LRRFIP2: variants seen among roughly 807,000 people sequenced by gnomAD.
The protein encoded by LRRFIP2 is leucine-rich repeat flightless-interacting protein 2.
LRRFIP2 carries 109 observed loss-of-function variants against 125.9 expected under a neutral mutation model. The ratio of observed to expected loss-of-function variants is 0.87; its 90% CI spans 0.74 to 1.01. The LOEUF (loss-of-function observed/expected upper bound fraction) is 1.01. Among genes scored for constraint, LRRFIP2 ranks in the 50% least tolerant of loss-of-function variants. The pLI is 0.00. For synonymous variants in LRRFIP2, 291 were observed against 293.1 expected, an observed-to-expected ratio of 0.99 and a Z score of 0.07; for missense variants, 850 against 862.3, an observed-to-expected ratio of 0.99 and a Z score of 0.18.
intron 2 of LRRFIP2, among the ~76,000 whole-genome samples, chr3:37,140,606 T>C (rs1374411109): frequency 6.8e-6 from 1 of 147,342 alleles, no homozygotes; most frequent in Non-Finnish European, 1.5e-5. Flanking sequence ...TAGCGCAAGA[T>C]CATGCCACAG....
intron 2 of LRRFIP2, among the ~76,000 whole-genome samples, chr3:37,146,950 T>G (rs532778498): frequency 6.6e-6 from 1 of 152,060 alleles, no homozygotes; most frequent in African/African-American, 2.4e-5. Flanking sequence ...GGGAGAAAAT[T>G]TTTGCAATCT....
chr3:37,108,425 T>A (rs1415056609), intron 12 of LRRFIP2, among the ~76,000 whole-genome samples: 1 of 152,222 alleles, frequency 6.6e-6, no homozygotes, highest in Non-Finnish European at 1.5e-5. Flanking sequence ...AAATCATGAT[T>A]TCCAGCAGGC....
At chr3:37,085,625 G>A (rs1285291196) in intron 18 of LRRFIP2, among the ~76,000 whole-genome samples, 1 of 149,196 alleles carries the variant, frequency 6.7e-6, no homozygotes, top group Non-Finnish European at 1.5e-5. Context: ...ATTATTGCCC[G>A]GGCTGGAGTG....
At position 37,108,704 on chromosome 3, in the gene LRRFIP2, T is replaced by C. The variant is rs377290196; in HGVS notation, c.610-20A>G. ...TGATGCCTAAGGAACAAAGGAAATA[T>C]CACTTAGCTATTTAGCTTCAAGGTT... On this transcript the variant is annotated intron_variant, in intron 11 of 27. Coordinates refer to ENST00000336686, the MANE Select transcript of LRRFIP2 (RefSeq NM_006309.4). 6.3e-7 allele frequency: 1 copy of C among 1,592,474 alleles called. No individual in the cohort carries two copies. The highest frequency in any genetic ancestry group is 2.2e-5 in the East Asian group (1 of 44,712).
intron 7 of LRRFIP2, among the ~76,000 whole-genome samples, chr3:37,113,241 T>C (rs2094620095): frequency 6.6e-6 from 1 of 152,160 alleles, no homozygotes; most frequent in Non-Finnish European, 1.5e-5. Flanking sequence ...AAAACTTGAT[T>C]AGAACTAAGA....
At chr3:37,076,225 T>C (rs953306208) in intron 19 of LRRFIP2, among the ~76,000 whole-genome samples, 1 of 152,098 alleles carries the variant, frequency 6.6e-6, no homozygotes, top group South Asian at 2.1e-4. Context: ...TTAGACTACA[T>C]AAAAATAAAA....
chr3:37,134,525 A>T, intron 2 of LRRFIP2: 1 of 392,686 alleles, frequency 2.5e-6, no homozygotes, highest in Non-Finnish European at 4.9e-6. Flanking sequence ...TCTCCACAAT[A>T]CCAAGAGCTT....
chr3:37,080,062 T>C (rs950340571), intron 19 of LRRFIP2, among the ~76,000 whole-genome samples: 1 of 152,180 alleles, frequency 6.6e-6, no homozygotes, highest in Non-Finnish European at 1.5e-5. Flanking sequence ...AAATGGATGA[T>C]TTGTATGTTA....
At chr3:37,055,570 CA>C (rs201347333) in intron 25 of LRRFIP2, among the ~76,000 whole-genome samples, 2 of 150,802 alleles carry the variant, frequency 1.3e-5, no homozygotes, top group East Asian at 1.9e-4. Context: ...GTCCCCCTGC[CA>C]AAAAAAAATT....
At chr3:37,072,614 T>A (rs1001742327) in intron 21 of LRRFIP2, among the ~76,000 whole-genome samples, 176 bp downstream of exon 21, 1 of 152,150 alleles carries the variant, frequency 6.6e-6, no homozygotes, top group Non-Finnish European at 1.5e-5. Flanking sequence ...AGAAGAGTTC[T>A]TCCAGGCACA....
chr3:37,121,831 C>T lies in LRRFIP2; in HGVS notation c.229-140G>A, dbSNP rs2095057357. ...AGGTTTGGATAACTTATCTTAGGGG[C>T]AGCCACATTCGTGTGTGTGTGTGTG... On this transcript the variant is annotated intron_variant, in intron 4 of 27. Coordinates refer to ENST00000336686, the MANE Select transcript of LRRFIP2 (RefSeq NM_006309.4). 24 of 667,814 alleles carry T rather than the reference C, an allele frequency of 3.6e-5. 1 individual carries two copies. The highest frequency in any genetic ancestry group is 5.8e-5 in the Non-Finnish European group (22 of 380,296). 41.4% of individuals were successfully genotyped at this position (667,814 alleles called of 1,614,324 possible). A position where few individuals can be genotyped will look rare whatever the true frequency, so the allele number is the denominator to read the frequency against.
chr3:37,067,884 A>C (rs2090445419), intron 21 of LRRFIP2: 1 of 152,186 alleles, frequency 6.6e-6, no homozygotes, highest in Admixed American at 6.6e-5. Flanking sequence ...GCCCTTAAAT[A>C]GTTTTTTAAA....
At chr3:37,054,570 T>C in intron 26 of LRRFIP2, 55 bp from the exon 27 acceptor site, 1 of 1,177,206 alleles carries the variant, frequency 8.5e-7, no homozygotes, top group Non-Finnish European at 1.2e-6. Flanking sequence ...TCACCACTTT[T>C]TGGTAGCCAG....
intron 13 of LRRFIP2, among the ~76,000 whole-genome samples, chr3:37,107,736 GA>G (rs1363588727): frequency 1.3e-5 from 2 of 152,092 alleles, no homozygotes; most frequent in African/African-American, 4.8e-5. Context: ...AGAATGTAAA[GA>G]TAGAAAGGAG....
rs1007185916 is a variant in LRRFIP2 at position 37,060,919 on chromosome 3, G to T, written c.1750-2009C>A. Among the ~76,000 whole-genome samples the T allele has an allele frequency of 6.6e-6, 1 of 152,012 alleles. No homozygotes were observed. The highest frequency in any genetic ancestry group is 2.4e-5 in the African/African-American group (1 of 41,382). Reference sequence around the variant, plus strand: ...CAATTTCTGGTATATCTCCTCTTACGGTTTGGATGTCTGTCCCCTCCAAAT... The same window carrying T: ...CAATTTCTGGTATATCTCCTCTTACTGTTTGGATGTCTGTCCCCTCCAAAT... On this transcript the variant is annotated intron_variant, in intron 24 of 27. Coordinates refer to ENST00000336686, the MANE Select transcript of LRRFIP2 (RefSeq NM_006309.4). This position sits in a 1 kb window ranked among gnomAD's most constrained non-coding sequence, Gnocchi z 4.1.
chr3:37,168,518 T>C (rs544520433), intron 1 of LRRFIP2, among the ~76,000 whole-genome samples: 1 of 152,330 alleles, frequency 6.6e-6, no homozygotes, highest in African/African-American at 2.4e-5. Context: ...CCAAGGGCTA[T>C]GGGCATGAGG....
chr3:37,175,690 C>G (rs183476654), upstream of LRRFIP2: 3 of 152,410 alleles, frequency 2.0e-5, no homozygotes, highest in African/African-American at 7.2e-5. Flanking sequence ...ACACCGTTCC[C>G]TGGGGGTGCT....
At chr3:37,168,855 C>T (rs538094342) in intron 1 of LRRFIP2, among the ~76,000 whole-genome samples, 1 of 152,314 alleles carries the variant, frequency 6.6e-6, no homozygotes, top group African/African-American at 2.4e-5. Context: ...TCATAGCACA[C>T]TACAGCCTAG....
At chr3:37,111,940 C>G (rs2047632) in intron 8 of LRRFIP2, 5,595 of 152,498 alleles carry the variant, frequency 0.037, 135 homozygotes, top group African/African-American at 0.059. Context: ...ACCCTCTCCC[C>G]GTTCAACCCA....
Sources: gnomAD v4.1 joint callset for allele counts (sites outside exome capture counted in the v4.1 genomes callset) on GRCh38, gnomAD v4.1.1 for gene constraint, Gnocchi (gnomAD v3.1) non-coding constraint, MANE v1.5 for transcripts, NCBI Gene and HGNC (gene_info 2026-07-23, HGNC 2026-07-21) for gene names.